FSCN2: variants seen among roughly 807,000 people sequenced by gnomAD.
FSCN2 encodes fascin actin-bundling protein 2, retinal.
A neutral mutation model predicts 37.8 loss-of-function variants in FSCN2; 46 were observed. The observed-to-expected ratio is 1.22, with a 90% confidence interval of 0.96 to 1.56. The LOEUF is 1.56. FSCN2 is among the 40% of genes most tolerant of loss of function. The pLI is 0.00. For missense variants in FSCN2, 844 were observed against 730.4 expected (o/e 1.16, Z -1.79); for synonymous variants, 351 against 309.4 (o/e 1.13, Z -1.41).
rs782068326 is a variant in FSCN2 at position 81,528,667 on chromosome 17, T to C, written c.136T>C (p.Trp46Arg). ...ACCCAGCCTCAAGAGGAAGCAGACC[T>C]GGGTGCTGGAACCCGACCCAGGACA... ...SAPSLKRKQTWVLEPDPGQGT... is the reference protein window; with the variant it reads ...SAPSLKRKQTRVLEPDPGQGT... The change falls in exon 1 of 5, where the codon TGG becomes CGG. Residue 46 changes from tryptophan to arginine, a missense_variant. Trp to Arg is a moderately radical substitution (Grantham distance 101). Coordinates refer to ENST00000417245, the MANE Select transcript of FSCN2 (RefSeq NM_012418.4). 1.9e-6 allele frequency: 3 copies of C among 1,602,358 alleles called. No individual in the cohort carries two copies. The highest frequency in any genetic ancestry group is 1.1e-5 in the South Asian group (1 of 89,226).
intron 1 of FSCN2, among the ~76,000 whole-genome samples, chr17:81,532,608 ATGG>A (rs1420380565): frequency 7.4e-6 from 1 of 134,848 alleles, no homozygotes; most frequent in African/African-American, 3.1e-5. Context: ...GATGATGGTG[ATGG>A]TGATGATAAT....
upstream of FSCN2, among the ~76,000 whole-genome samples, chr17:81,524,134 C>T (rs1003975901): frequency 1.7e-4 from 26 of 152,212 alleles, no homozygotes; most frequent in East Asian, 7.7e-4. Flanking sequence ...TAAGGGCTCT[C>T]GGGAAACCTG....
intron 1 of FSCN2, among the ~76,000 whole-genome samples, chr17:81,531,834 GTGA>G (rs2032641986): frequency 8.6e-6 from 1 of 116,556 alleles, no homozygotes; most frequent in African/African-American, 4.2e-5. Flanking sequence ...GGTGGTGGTG[GTGA>G]TGGTGGTGAT....
rs1019964898 is a variant in FSCN2 at position 81,529,163 on chromosome 17, C to T, written c.632C>T (p.Thr211Met). The change falls in exon 1 of 5, where the codon ACG (threonine) becomes ATG (methionine). Residue 211 changes from threonine to methionine, a missense_variant. Physicochemically the swap from Thr to Met is moderately conservative, Grantham distance 81 (BLOSUM62 -1). Transcript: ENST00000417245. Reference protein sequence around the residue: ...VWEPEPRACYTLEFKAGKLAF... With the variant: ...VWEPEPRACYMLEFKAGKLAF... ...GAGCCTGAGCCCCGTGCCTGCTACA[C>T]GCTGGAGTTCAAGGCGGGCAAGCTG... 1.6e-5 allele frequency: 25 copies of T among 1,588,918 alleles called. No homozygotes were observed. The highest frequency in any genetic ancestry group is 1.7e-4 in the Middle Eastern group (1 of 6,058).
intron 1 of FSCN2, among the ~76,000 whole-genome samples, chr17:81,531,672 GTGA>G (rs1183667823): frequency 0.015 from 1,914 of 125,204 alleles, 29 homozygotes; most frequent in Non-Finnish European, 0.018. Context: ...GATGATGATG[GTGA>G]TGATGATGGT....
chr17:81,531,207 GTGA>G (rs2032542893), intron 1 of FSCN2, among the ~76,000 whole-genome samples: 1 of 96,376 alleles, frequency 1.0e-5, no homozygotes, highest in African/African-American at 5.1e-5. Flanking sequence ...GGTGATGGTG[GTGA>G]TGGTGGTGAT....
chr17:81,525,888 G>A (rs768105420), upstream of FSCN2, among the ~76,000 whole-genome samples: 5 of 152,126 alleles, frequency 3.3e-5, no homozygotes, highest in Non-Finnish European at 7.4e-5. Context: ...AGGCAGGAGG[G>A]GCTGGAATCC....
In FSCN2 at chr17:81,535,060, G is replaced by A. The variant is rs1268773995; in HGVS notation, c.835G>A (p.Val279Ile). The A allele has an allele frequency of 8.5e-6, 13 of 1,529,696 alleles. No individual in the cohort carries two copies. The highest frequency in any genetic ancestry group is 7.9e-6 in the Non-Finnish European group (9 of 1,143,390). The allele number at this position is 1,529,696 out of a possible 1,614,324, so 94.8% of individuals were successfully genotyped here. ...CCATCTCCTCCCTCCAGGGGTCAAC[G>A]TCTCAGCCAATCAGGATGATGAACT... ...RYVSVRQGVN[V>I]SANQDDELDH... Residue 279 changes from valine to isoleucine, a missense_variant, in exon 2 of 5, where the codon GTC (valine) becomes ATC (isoleucine). Val to Ile is a conservative substitution (Grantham distance 29). Transcript: ENST00000417245.
Position 81,528,814 on chromosome 17 carries a change from C to A in FSCN2, c.283C>A (p.Gln95Lys), listed in dbSNP as rs782777998. ...GRDCRFLVLP[Q>K]PDGRWVLRSE... ...TGACTGCCGCTTCCTGGTCCTGCCG[C>A]AGCCAGATGGGCGCTGGGTGCTGCG... The change falls in exon 1 of 5, where the codon CAG becomes AAG. Residue 95 changes from glutamine to lysine, a missense_variant. Transcript: ENST00000417245. 9.6e-6 allele frequency: 15 copies of A among 1,560,926 alleles called. No individual in the cohort carries two copies. The highest frequency in any genetic ancestry group is 1.3e-5 in the Non-Finnish European group (15 of 1,154,778).
chr17:81,531,807 A>ATGATGGTGGTGG (rs1568078218), intron 1 of FSCN2, among the ~76,000 whole-genome samples: 6 of 93,080 alleles, frequency 6.4e-5, no homozygotes, highest in African/African-American at 2.7e-4. Flanking sequence ...GATAATGGTG[A>ATGATGGTGGTGG]TGATGGTGGT....
chr17:81,531,669 ATGG>A (rs1407614887), intron 1 of FSCN2, among the ~76,000 whole-genome samples: 9 of 92,722 alleles, frequency 9.7e-5, no homozygotes, highest in East Asian at 3.9e-4. Flanking sequence ...GGTGATGATG[ATGG>A]TGATGATGAT....
At chr17:81,516,682 T>A in the FSCN2 span, among the ~76,000 whole-genome samples, 101 of 152,372 alleles carry the variant, frequency 6.6e-4, no homozygotes, top group Middle Eastern at 3.4e-3. Context: ...TTCTGTCTCC[T>A]GGCTGGTGCC....
intron 1 of FSCN2, among the ~76,000 whole-genome samples, chr17:81,532,032 GTGATGA>G (rs374977923): frequency 2.3e-5 from 3 of 131,970 alleles, no homozygotes; most frequent in South Asian, 2.7e-4. Flanking sequence ...GATAGTGATG[GTGATGA>G]TGATGGTGAT....
In FSCN2 at chr17:81,536,633, G is replaced by T; in HGVS notation, c.1117G>T (p.Glu373Ter). The change falls in exon 4 of 5, where the codon GAG (glutamate) becomes TAG (stop). Residue 373 changes from glutamate to a stop codon, truncating the protein, a stop_gained. Coordinates refer to ENST00000417245, the MANE Select transcript of FSCN2 (RefSeq NM_012418.4). LOFTEE classifies it high-confidence loss of function. ...GCTCTCCCCGCCAGGCAAGGACGAA[G>T]AGTTCACCCTCAAGCTCATCAACCG... ...AISDFVGKDE[E>*]FTLKLINRPI... The T allele has an allele frequency of 6.2e-7, 1 of 1,610,144 alleles. No homozygotes were observed. The highest frequency in any genetic ancestry group is 8.5e-7 in the Non-Finnish European group (1 of 1,179,696).
Position 81,529,122 on chromosome 17 carries a change from C to A in FSCN2, c.591C>A (p.Asp197Glu). ...GTGACAGCCGCTACCTGCGCAGCGA[C>A]GGCCGTCTGGTCTGGGAGCCTGAGC... is the stretch of plus-strand genomic sequence containing the variant. Reference protein sequence around the residue: ...KSCDSRYLRSDGRLVWEPEPR... With the variant: ...KSCDSRYLRSEGRLVWEPEPR... Residue 197 changes from aspartate to glutamate, a missense_variant, in exon 1 of 5, where the codon GAC becomes GAA. Physicochemically the swap from Asp to Glu is conservative, Grantham distance 45. Coordinates refer to ENST00000417245, the MANE Select transcript of FSCN2 (RefSeq NM_012418.4). 1.3e-6 allele frequency: 2 copies of A among 1,582,666 alleles called. No homozygotes were observed. Among genetic ancestry groups the A allele is most frequent in the Non-Finnish European group, 1.7e-6 (2 of 1,166,116 alleles).
At chr17:81,516,468 G>A in the FSCN2 span, among the ~76,000 whole-genome samples, 1 of 152,140 alleles carries the variant, frequency 6.6e-6, no homozygotes, top group Non-Finnish European at 1.5e-5. Flanking sequence ...CACCCTTTTG[G>A]ACAGATGAAA....
chr17:81,522,187 A>G, the FSCN2 span, among the ~76,000 whole-genome samples: 1 of 152,102 alleles, frequency 6.6e-6, no homozygotes, highest in Non-Finnish European at 1.5e-5. Flanking sequence ...TTGTATTTTT[A>G]GTAGAAATGC....
chr17:81,534,418 C>A (rs1422115631), intron 1 of FSCN2, among the ~76,000 whole-genome samples: 3 of 152,134 alleles, frequency 2.0e-5, no homozygotes, highest in Non-Finnish European at 2.9e-5. Flanking sequence ...GTGGGAGGAG[C>A]CAGGGACTTA....
chr17:81,524,942 C>T (rs952016512), upstream of FSCN2, among the ~76,000 whole-genome samples: 1 of 144,430 alleles, frequency 6.9e-6, no homozygotes, highest in Non-Finnish European at 1.5e-5. Context: ...ACATGCACAA[C>T]GCTGCACCCA....
Sources: gnomAD v4.1 joint callset for allele counts (sites outside exome capture counted in the v4.1 genomes callset) on GRCh38, gnomAD v4.1.1 for gene constraint, MANE v1.5 for transcripts, NCBI Gene and HGNC (gene_info 2026-07-23, HGNC 2026-07-21) for gene names.